Variants in THADA observed in about 807,000 individuals in gnomAD.
The protein encoded by THADA is THADA armadillo repeat containing.
A neutral mutation model predicts 219.8 loss-of-function variants in THADA; 213 were observed. The ratio of observed to expected loss-of-function variants is 0.97; its 90% CI spans 0.87 to 1.09. The LOEUF (loss-of-function observed/expected upper bound fraction) is 1.09, where lower values mean the gene tolerates loss of function less well. Ranked by LOEUF, THADA falls within the 50% of genes least tolerant of loss-of-function variation. The pLI is 0.00. For missense variants in THADA, 2,956 were observed against 2,311.3 expected (o/e 1.28, Z -5.72); for synonymous variants, 1,018 against 828.9 (o/e 1.23, Z -3.92).
At chr2:43,539,767 T>C (rs1228274776) in intron 21 of THADA, among the ~76,000 whole-genome samples, 1 of 152,218 alleles carries the variant, frequency 6.6e-6, no homozygotes, top group Non-Finnish European at 1.5e-5. Flanking sequence ...GGAAGAATTC[T>C]TTGGTTTATA....
intron 8 of THADA, among the ~76,000 whole-genome samples, chr2:43,579,277 G>A (rs1700166363): frequency 6.6e-6 from 1 of 152,052 alleles, no homozygotes; most frequent in Non-Finnish European, 1.5e-5. Context: ...CTCCACCAAT[G>A]CCTCTGTATC....
chr2:43,255,450 C>T (rs1483872190), intron 36 of THADA, among the ~76,000 whole-genome samples: 1 of 152,172 alleles, frequency 6.6e-6, no homozygotes, highest in Admixed American at 6.5e-5. Context: ...CCTTCTTTCC[C>T]TGACATGAAT....
intron 28 of THADA, among the ~76,000 whole-genome samples, chr2:43,405,712 T>C (rs1420393169): frequency 2.0e-5 from 3 of 152,232 alleles, no homozygotes; most frequent in East Asian, 3.9e-4. Context: ...TTGGTTTGGG[T>C]AGTAAGGAGA....
chr2:43,429,821 G>C (rs1302396407), intron 27 of THADA, among the ~76,000 whole-genome samples: 1 of 151,582 alleles, frequency 6.6e-6, no homozygotes, highest in Admixed American at 6.6e-5. Flanking sequence ...AGAGAACCAA[G>C]CAATATGATA....
chr2:43,450,919 G>C (rs551913220), intron 26 of THADA, among the ~76,000 whole-genome samples: 1 of 152,190 alleles, frequency 6.6e-6, no homozygotes, highest in Non-Finnish European at 1.5e-5. Context: ...ACAGAAAGTA[G>C]AATGGTGGTT....
chr2:43,304,587 A>T (rs566143679), intron 31 of THADA, among the ~76,000 whole-genome samples: 1 of 152,198 alleles, frequency 6.6e-6, no homozygotes, highest in African/African-American at 2.4e-5. Context: ...TAACTGTTCT[A>T]AAGTTTTCTC....
intron 26 of THADA, among the ~76,000 whole-genome samples, chr2:43,464,399 T>A (rs571237705): frequency 6.6e-6 from 1 of 152,220 alleles, no homozygotes; most frequent in Admixed American, 6.5e-5. Flanking sequence ...ACTTTCAAGA[T>A]TGGAATTGTA....
rs1276809031 is a variant in THADA, at chr2:43,312,717, GTT to G, written c.4438+7727_4438+7728del. ...AACTAATTTATTGACAACAAAGCCT[GTT>G]TTTTTTTTTTTTTTTTCCTCCTCCT... On this transcript the variant is annotated intron_variant, in intron 31 of 37. Transcript: ENST00000405975. 7.9e-3 allele frequency among the ~76,000 whole-genome samples: 1,002 copies of G among 126,338 alleles called. 2 individuals carry two copies. The highest frequency in any genetic ancestry group is 0.025 in the Middle Eastern group (6 of 236). 82.9% of individuals were successfully genotyped at this position (126,338 alleles called of 152,430 possible).
chr2:43,248,184 G>T (rs1444014904), intron 36 of THADA, among the ~76,000 whole-genome samples: 146 of 116,308 alleles, frequency 1.3e-3, no homozygotes, highest in African/African-American at 4.9e-3. Flanking sequence ...GAGAGAGAGA[G>T]AGAGAGAGAG....
At chr2:43,591,584 A>G (rs977282191) in intron 3 of THADA, among the ~76,000 whole-genome samples, 14 of 152,184 alleles carry the variant, frequency 9.2e-5, no homozygotes, top group Non-Finnish European at 1.9e-4. Context: ...TGTGTGCTCA[A>G]ATGGTAAATC....
intron 31 of THADA, among the ~76,000 whole-genome samples, chr2:43,299,212 A>G (rs1264321447): frequency 6.6e-6 from 1 of 152,140 alleles, no homozygotes; most frequent in Non-Finnish European, 1.5e-5. Flanking sequence ...CTGAAATCTG[A>G]AACATGTTTG....
Position 43,498,891 on chromosome 2 carries a change from G to A in THADA, c.3686C>T (p.Pro1229Leu). 2 of 1,610,448 alleles carry A rather than the reference G, an allele frequency of 1.2e-6. No homozygotes were observed. Among genetic ancestry groups the A allele is most frequent in the South Asian group, 1.1e-5 (1 of 89,966 alleles). ...RDTRLGENII[P>L]YVADGAKAAI... ...AGCCTTAGCTCCATCAGCAACATAAGGAATAATATTTTCTCCCAGGCGCGT... is the reference window on the plus strand; with the variant it reads ...AGCCTTAGCTCCATCAGCAACATAAAGAATAATATTTTCTCCCAGGCGCGT... Residue 1229 changes from proline (P) to leucine (L), a missense_variant, in exon 25 of 38, where the codon CCT becomes CTT. Coordinates refer to ENST00000405975, the MANE Select transcript of THADA (RefSeq NM_022065.5).
chr2:43,548,835 C>T (rs913083763), intron 20 of THADA, among the ~76,000 whole-genome samples: 2 of 152,240 alleles, frequency 1.3e-5, no homozygotes, highest in African/African-American at 4.8e-5. Context: ...TGAGGCAATG[C>T]CTCGCCCTGC....
chr2:43,388,200 A>G (rs1672926043), intron 29 of THADA, among the ~76,000 whole-genome samples: 2 of 152,260 alleles, frequency 1.3e-5, no homozygotes, highest in Admixed American at 1.3e-4. Context: ...ATTGGTTGGG[A>G]ACCACCAAAC....
At chr2:43,557,315 T>C (rs1463747841) in intron 16 of THADA, among the ~76,000 whole-genome samples, 8 of 152,234 alleles carry the variant, frequency 5.3e-5, no homozygotes, top group East Asian at 1.9e-4. Flanking sequence ...CTGTAGAATT[T>C]TGCTATGACT....
chr2:43,355,250 C>T (rs946950418), intron 29 of THADA, among the ~76,000 whole-genome samples: 13 of 152,022 alleles, frequency 8.6e-5, no homozygotes, highest in Admixed American at 3.9e-4. Flanking sequence ...GAATATATAC[C>T]TAGTAGTGGG....
intron 36 of THADA, among the ~76,000 whole-genome samples, chr2:43,258,099 G>A (rs1320711735): frequency 2.0e-5 from 3 of 152,160 alleles, no homozygotes; most frequent in Admixed American, 6.6e-5. Flanking sequence ...GAGCCCCAGC[G>A]GCCCACGGAG....
rs111361788 is a variant in THADA, at chr2:43,406,988, C to T, written c.4059-8849G>A. ...TACACAAACAACCAAGAAATGAGCA[C>T]GTTCAGGCAGCCACTGACTCTTTAA... On this transcript the variant is annotated intron_variant, in intron 28 of 37. Transcript: ENST00000405975. Among the ~76,000 whole-genome samples the T allele has an allele frequency of 1.6e-4, 24 of 152,302 alleles. No homozygotes were observed. In the Middle Eastern group the frequency reaches 0.01, roughly 65 times the overall value.
At chr2:43,251,922 T>C (rs1176753001) in intron 36 of THADA, among the ~76,000 whole-genome samples, 2 of 152,234 alleles carry the variant, frequency 1.3e-5, no homozygotes, top group African/African-American at 4.8e-5. Flanking sequence ...CTTTTCCGTG[T>C]TTCTTCCTCC....
Sources: allele counts gnomAD v4.1 joint callset (sites outside exome capture counted in the v4.1 genomes callset), GRCh38; gene constraint gnomAD v4.1.1; transcripts MANE v1.5; gene names NCBI Gene and HGNC (gene_info 2026-07-23, HGNC 2026-07-21).